NDUFS4: variants seen among roughly 807,000 people sequenced by gnomAD.
The protein encoded by NDUFS4 is NADH:ubiquinone oxidoreductase subunit S4.
NDUFS4 carries 28 observed loss-of-function variants against 24.3 expected under a neutral mutation model. The observed-to-expected ratio is 1.15, with a 90% CI of 0.85 to 1.58. The LOEUF is 1.58. Ranked by LOEUF, NDUFS4 falls within the 40% of genes most tolerant of loss-of-function variation. The pLI, the probability that NDUFS4 is intolerant of heterozygous loss-of-function variation, is 0.00. For synonymous variants in NDUFS4, 93 were observed against 69.7 expected (o/e 1.34, Z -1.67); for missense variants, 223 against 207.9 (o/e 1.07, Z -0.45).
Position 53,658,602 on chromosome 5 carries a change from A to G in NDUFS4, c.402A>G (p.Ala134=). ...TAACCTTCAGTACTAAAGAAGATGC[A>G]GTTTCCTTTGCAGAAAAAAATGGTA... ...MVLTFSTKED[A]VSFAEKNGWS... Residue 134 remains alanine, a synonymous_variant, in exon 4 of 5, where the codon GCA becomes GCG. Transcript: ENST00000296684. The G allele has an allele frequency of 6.2e-7, 1 of 1,613,182 alleles. No homozygotes were observed. Among genetic ancestry groups the G allele is most frequent in the Non-Finnish European group, 8.5e-7 (1 of 1,179,524 alleles).
At chr5:53,669,834 G>A (rs552226004) in intron 4 of NDUFS4, among the ~76,000 whole-genome samples, 16 of 152,188 alleles carry the variant, frequency 1.1e-4, no homozygotes, top group Admixed American at 8.5e-4. Context: ...ATTTAGTAAC[G>A]TTGTAAATGA....
chr5:53,597,979 A>G lies in NDUFS4; in HGVS notation c.99-5473A>G, dbSNP rs116078606. Among the ~76,000 whole-genome samples, 645 of 152,376 alleles carry G rather than the reference A, an allele frequency of 4.2e-3. 1 individual carries two copies. Among genetic ancestry groups the G allele is most frequent in the Non-Finnish European group, 7.7e-3 (527 of 68,030 alleles). On this transcript the variant is annotated intron_variant, in intron 1 of 4. Coordinates refer to ENST00000296684, the MANE Select transcript of NDUFS4 (RefSeq NM_002495.4). ...ATAACTCACCAAAGAAGATATACAG[A>G]TGACTAATAATCATATGAAAATATG...
chr5:53,648,971 A>G (rs559491766), intron 3 of NDUFS4, among the ~76,000 whole-genome samples: 60 of 152,238 alleles, frequency 3.9e-4, no homozygotes, highest in African/African-American at 1.3e-3. Context: ...TTACAACTCT[A>G]ATCATCCTCT....
intron 2 of NDUFS4, among the ~76,000 whole-genome samples, chr5:53,609,509 A>C (rs1002718319): frequency 1.3e-5 from 2 of 152,184 alleles, no homozygotes; most frequent in African/African-American, 4.8e-5. Flanking sequence ...CAGAGGCAGA[A>C]GAGATTTAGC....
intron 1 of NDUFS4, among the ~76,000 whole-genome samples, chr5:53,597,648 A>T (rs1374961862): frequency 6.6e-6 from 1 of 152,188 alleles, no homozygotes; most frequent in East Asian, 1.9e-4. Context: ...CAAGATCTAT[A>T]TGAAGAAAAT....
chr5:53,602,241 TAA>T (rs1405134630), intron 1 of NDUFS4, among the ~76,000 whole-genome samples: 1 of 152,222 alleles, frequency 6.6e-6, no homozygotes, highest in Non-Finnish European at 1.5e-5. Context: ...AAATAGGTAT[TAA>T]GAGTTGCTTA....
chr5:53,639,547 CT>C lies in NDUFS4; in HGVS notation c.178-6681del, dbSNP rs929393062. Among the ~76,000 whole-genome samples the C allele has an allele frequency of 4.1e-4, 63 of 152,058 alleles. 1 individual carries two copies. Among genetic ancestry groups the C allele is most frequent in the Admixed American group, 4.1e-3 (63 of 15,242 alleles). ...AGTTACCAAAAAGATTTTGGAACCT[CT>C]TTTTAAGTTGACATCTTGTATAAAA... On this transcript the variant is annotated intron_variant, in intron 2 of 4. Transcript: ENST00000296684.
chr5:53,622,033 T>G (rs537487577), intron 2 of NDUFS4, among the ~76,000 whole-genome samples: 35 of 152,240 alleles, frequency 2.3e-4, no homozygotes, highest in African/African-American at 7.2e-4. Context: ...ACAGTTGTCT[T>G]TTAAATAAAT....
At chr5:53,681,382 TAAGTC>T (rs912554927) in intron 4 of NDUFS4, among the ~76,000 whole-genome samples, 3 of 152,158 alleles carry the variant, frequency 2.0e-5, no homozygotes, top group East Asian at 1.9e-4. Context: ...AAATGATTGT[TAAGTC>T]AGGGTGCTTT....
chr5:53,619,486 CAAAA>C (rs70983366), intron 2 of NDUFS4, among the ~76,000 whole-genome samples: 3 of 49,104 alleles, frequency 6.1e-5, no homozygotes, highest in Non-Finnish European at 1.1e-4. Context: ...GACTCTGTCT[CAAAA>C]AAAAAAAAAA....
At chr5:53,667,420 G>C (rs560921639) in intron 4 of NDUFS4, among the ~76,000 whole-genome samples, 14 of 150,576 alleles carry the variant, frequency 9.3e-5, no homozygotes, top group African/African-American at 2.9e-4. Flanking sequence ...AGCTGAGATC[G>C]TGCCATTGCA....
In NDUFS4 at chr5:53,603,495, C is replaced by G. The variant is rs1459858334; in HGVS notation, c.142C>G (p.Gln48Glu). 6.2e-7 allele frequency: 1 copy of G among 1,613,872 alleles called. No individual in the cohort carries two copies. The highest frequency in any genetic ancestry group is 8.5e-7 in the Non-Finnish European group (1 of 1,179,938). The stretch of plus-strand genomic sequence containing the variant: ...ATGGAGATTGGCACAGGACCAGACT[C>G]AAGACACACAACTCATAACAGTTGA... Reference protein sequence around the residue: ...STWRLAQDQTQDTQLITVDEK... With the variant: ...STWRLAQDQTEDTQLITVDEK... The change falls in exon 2 of 5, where the codon CAA becomes GAA. Residue 48 changes from glutamine to glutamate, a missense_variant. Coordinates refer to ENST00000296684, the MANE Select transcript of NDUFS4 (RefSeq NM_002495.4).
chr5:53,668,331 C>T (rs1420979868), intron 4 of NDUFS4, among the ~76,000 whole-genome samples: 1 of 152,072 alleles, frequency 6.6e-6, no homozygotes, highest in Non-Finnish European at 1.5e-5. Flanking sequence ...TTTCATTTCC[C>T]TTTTAAATGT....
At chr5:53,622,018 A>G (rs1751055639) in intron 2 of NDUFS4, among the ~76,000 whole-genome samples, 1 of 152,086 alleles carries the variant, frequency 6.6e-6, no homozygotes, top group East Asian at 1.9e-4. Flanking sequence ...TTATTTTTGC[A>G]TTAAACAGTT....
rs574681564 is a variant in NDUFS4, at chr5:53,619,114, A to AAATAAT, written c.177+15606_177+15611dup. On this transcript the variant is annotated intron_variant, in intron 2 of 4. Coordinates refer to ENST00000296684, the MANE Select transcript of NDUFS4 (RefSeq NM_002495.4). ...GGGCAACCGAGTGAGACTGTCTCCA[A>AAATAAT]AATAATAATAATAATAATAATAATA... Among the ~76,000 whole-genome samples the AAATAAT allele has an allele frequency of 8.1e-3, 1,204 of 148,972 alleles. 14 individuals are homozygous for AAATAAT. Among genetic ancestry groups the AAATAAT allele is most frequent in the African/African-American group, 0.028 (1,125 of 40,406 alleles).
rs1056525775 is a variant in NDUFS4 at position 53,605,543 on chromosome 5, G to A, written c.177+2013G>A. Among the ~76,000 whole-genome samples, 5 of 152,096 alleles carry A rather than the reference G, an allele frequency of 3.3e-5. No homozygotes were observed. The South Asian group carries it at 1.0e-3, about 32-fold the overall frequency. On this transcript the variant is annotated intron_variant, in intron 2 of 4. Coordinates refer to ENST00000296684, the MANE Select transcript of NDUFS4 (RefSeq NM_002495.4). ...ATTTTTAATTATATGTCATAAAATC[G>A]GTTGCATACTGTTGAATTTTCTTGC...
chr5:53,607,065 A>G (rs424955), intron 2 of NDUFS4, among the ~76,000 whole-genome samples: 121,950 of 152,136 alleles, frequency 0.8, 49,194 homozygotes, highest in African/African-American at 0.89. Context: ...TTTAATCCAC[A>G]ATACAGAAGG....
At chr5:53,609,807 G>A (rs1016017815) in intron 2 of NDUFS4, among the ~76,000 whole-genome samples, 5 of 57,098 alleles carry the variant, frequency 8.8e-5, no homozygotes, top group Non-Finnish European at 1.4e-4. Context: ...TTATATAGAT[G>A]GCTTCCTCCT....
intron 2 of NDUFS4, among the ~76,000 whole-genome samples, chr5:53,624,580 C>T (rs1418812234): frequency 1.3e-5 from 2 of 152,130 alleles, no homozygotes; most frequent in African/African-American, 4.8e-5. Flanking sequence ...GTATTACATT[C>T]TTTTCTATGC....
Sources: gnomAD v4.1 joint callset for allele counts (sites outside exome capture counted in the v4.1 genomes callset) on GRCh38, gnomAD v4.1.1 for gene constraint, MANE v1.5 for transcripts, NCBI Gene and HGNC (gene_info 2026-07-23, HGNC 2026-07-21) for gene names.